Variants in OR2C3 observed in about 807,000 individuals in gnomAD.
OR2C3 encodes olfactory receptor family 2 subfamily C member 3.
For synonymous variants in OR2C3, 178 were observed against 163.4 expected, an observed-to-expected ratio of 1.09 and a Z score of -0.68; for missense variants, 425 against 401.5, an observed-to-expected ratio of 1.06 and a Z score of -0.50.
Position 247,531,835 on chromosome 1 carries a change from A to G in OR2C3, c.677T>C (p.Val226Ala), listed in dbSNP as rs1306073402. 1 of 1,614,128 alleles carries G rather than the reference A, an allele frequency of 6.2e-7. No individual in the cohort carries two copies. Among genetic ancestry groups the G allele is most frequent in the Non-Finnish European group, 8.5e-7 (1 of 1,180,010 alleles). ...CCCTTCTGCTGACCTGATCTTCAAC[A>G]CGGCCCGGGCAATGTGGCCGTAAGA... ...LVSYGHIARA[V>A]LKIRSAEGRR... The change falls in exon 3 of 3, where the codon GTG (valine) becomes GCG (alanine). Residue 226 changes from valine (V) to alanine (A), a missense_variant. Coordinates refer to ENST00000641802, the MANE Select transcript of OR2C3 (RefSeq NM_198074.6).
At position 247,531,917 on chromosome 1, in the gene OR2C3, C is replaced by T. The variant is rs750101190; in HGVS notation, c.595G>A (p.Glu199Lys). Residue 199 changes from glutamate to lysine, a missense_variant, in exon 3 of 3, where the codon GAG becomes AAG. Transcript: ENST00000641802. ...AAGACAAAGCTGGCCAGGTACATCT[C>T]CATCTCATTGAGGCTGGTATCCACA... ...ACVDTSLNEM[E>K]MYLASFVFVV... 1 of 1,614,220 alleles carries T rather than the reference C, an allele frequency of 6.2e-7. No homozygotes were observed. Among genetic ancestry groups the T allele is most frequent in the South Asian group, 1.1e-5 (1 of 91,086 alleles).
Position 247,532,435 on chromosome 1 carries a change from G to A in OR2C3, c.77C>T (p.Thr26Ile). The A allele has an allele frequency of 1.2e-6, 2 of 1,614,096 alleles. No individual in the cohort carries two copies. The highest frequency in any genetic ancestry group is 1.3e-5 in the African/African-American group (1 of 75,026). The change falls in exon 3 of 3, where the codon ACT becomes ATT. Residue 26 changes from threonine to isoleucine, a missense_variant. Transcript: ENST00000641802. ...LGFSTRPSLETVLFIVVLSFY... is the reference protein window; with the variant it reads ...LGFSTRPSLEIVLFIVVLSFY... The stretch of plus-strand genomic sequence containing the variant: ...ACTCAAGACAACTATGAAGAGGACA[G>A]TTTCTAGTGAGGGTCGTGTGGAGAA...
In OR2C3 at chr1:247,530,526, C is replaced by CA. The variant is rs1553302927; in HGVS notation, c.*1022dup. 25,528 of 149,510 alleles carry CA rather than the reference C, an allele frequency of 0.17. 2,740 individuals are homozygous for CA. The highest frequency in any genetic ancestry group is 0.31 in the South Asian group (1,441 of 4,590). The allele number at this position is 149,510 out of a possible 1,614,324, so 9.3% of individuals were successfully genotyped here. ...CACAAACACCATGCCATCCCCCCCC[C>CA]ACAAAATAACATTTCCTATGAATTT... On this transcript the variant is annotated 3_prime_UTR_variant, in exon 3 of 3. Coordinates refer to ENST00000641802, the MANE Select transcript of OR2C3 (RefSeq NM_198074.6).
rs1175656309 is a variant in OR2C3 at position 247,531,953 on chromosome 1, G to A, written c.559C>T (p.Gln187Ter). The change falls in exon 3 of 3, where the codon CAA becomes TAA. Residue 187 changes from glutamine (Q) to a stop codon, truncating the protein, a stop_gained. Transcript: ENST00000641802. LOFTEE classifies it low-confidence loss of function (END_TRUNC). Reference sequence around the variant, plus strand: ...AGGCTGGTATCCACACAAGCCAGTTGCATAATGAGGGGCATCTCGCAAAAG... The same window carrying A: ...AGGCTGGTATCCACACAAGCCAGTTACATAATGAGGGGCATCTCGCAAAAG... ...HFFCEMPLIM[Q>*]LACVDTSLNE... is the part of the protein sequence containing the mutation. 1.2e-6 allele frequency: 2 copies of A among 1,614,164 alleles called. No homozygotes were observed. The highest frequency in any genetic ancestry group is 1.7e-6 in the Non-Finnish European group (2 of 1,180,022).
At position 247,529,214 on chromosome 1, in the gene OR2C3, G is replaced by T. The variant is rs372467871; in HGVS notation, c.*2335C>A. 1 of 152,114 alleles carries T rather than the reference G, an allele frequency of 6.6e-6. No homozygotes were observed. Among genetic ancestry groups the T allele is most frequent in the South Asian group, 2.1e-4 (1 of 4,830 alleles). 9.4% of individuals were successfully genotyped at this position (152,114 alleles called of 1,614,324 possible). On this transcript the variant is annotated 3_prime_UTR_variant, in exon 3 of 3. Coordinates refer to ENST00000641802, the MANE Select transcript of OR2C3 (RefSeq NM_198074.6). ...GGGGACAGTTTTGTCTTCCATGCCC[G>T]AACCATTTACATAGTGAACAAAGCC...
chr1:247,532,267 AG>A lies in OR2C3; in HGVS notation c.244del (p.Leu82SerfsTer12), dbSNP rs747411778. The part of the protein sequence containing the change: ...MSFTTSIVPQ[L>X]LANLWGPQKT... ...CTGTGGTCCCCAGAGGTTAGCCAGGAGCTGTGGGACAATGCTCGTGGTGAAG... is the reference window on the plus strand; with the variant it reads ...CTGTGGTCCCCAGAGGTTAGCCAGGACTGTGGGACAATGCTCGTGGTGAAG... On this transcript the variant is annotated frameshift_variant, in exon 3 of 3. Coordinates refer to ENST00000641802, the MANE Select transcript of OR2C3 (RefSeq NM_198074.6). LOFTEE classifies it low-confidence loss of function (END_TRUNC). The A allele has an allele frequency of 1.9e-6, 3 of 1,614,158 alleles. No homozygotes were observed. The East Asian group carries it at 6.7e-5, about 36-fold the overall frequency.
At chr1:247,534,421 C>T (rs961807467) in intron 1 of OR2C3, among the ~76,000 whole-genome samples, 8 of 152,118 alleles carry the variant, frequency 5.3e-5, no homozygotes, top group Non-Finnish European at 8.8e-5. Context: ...CATAAACTTT[C>T]GGTAGTGTTG....
intron 2 of OR2C3, among the ~76,000 whole-genome samples, chr1:247,532,870 T>TGGG (rs759293458): frequency 3.1e-4 from 16 of 51,682 alleles, no homozygotes; most frequent in African/African-American, 1.1e-3. Context: ...AATAAAAGAC[T>TGGG]GGGTGGGGGG....
chr1:247,531,443 A>G lies in OR2C3; in HGVS notation c.*106T>C. 1.8e-6 allele frequency: 2 copies of G among 1,113,668 alleles called. No homozygotes were observed. Among genetic ancestry groups the G allele is most frequent in the Non-Finnish European group, 2.6e-6 (2 of 770,614 alleles). The allele number at this position is 1,113,668 out of a possible 1,614,324, so 69.0% of individuals were successfully genotyped here. A position where few individuals can be genotyped will look rare whatever the true frequency, so the allele number is the denominator to read the frequency against. ...TCCTTTCAGATTTCCATCTACCTTG[A>G]GCTCAAACAATATTAGAAGAAAAAC... On this transcript the variant is annotated 3_prime_UTR_variant, in exon 3 of 3. Transcript: ENST00000641802.
At position 247,531,488 on chromosome 1, in the gene OR2C3, C is replaced by T; in HGVS notation, c.*61G>A. ...AAAAACGACATCCCAAGTGCCCTGTCTTCCAAGGTCACTTTGCTCGATGTA... is the reference window on the plus strand; with the variant it reads ...AAAAACGACATCCCAAGTGCCCTGTTTTCCAAGGTCACTTTGCTCGATGTA... On this transcript the variant is annotated 3_prime_UTR_variant, in exon 3 of 3. Coordinates refer to ENST00000641802, the MANE Select transcript of OR2C3 (RefSeq NM_198074.6). 1 of 1,544,438 alleles carries T rather than the reference C, an allele frequency of 6.5e-7. No homozygotes were observed. The highest frequency in any genetic ancestry group is 1.2e-5 in the South Asian group (1 of 80,938).
In OR2C3 at chr1:247,526,999, C is replaced by T. The variant is rs1195095269; in HGVS notation, c.*4550G>A. The T allele has an allele frequency of 6.6e-6, 3 of 456,686 alleles. No homozygotes were observed. Among genetic ancestry groups the T allele is most frequent in the Non-Finnish European group, 8.8e-6 (2 of 226,974 alleles). The allele number at this position is 456,686 out of a possible 1,614,324, so 28.3% of individuals were successfully genotyped here. A position where few individuals can be genotyped will look rare whatever the true frequency, so the allele number is the denominator to read the frequency against. ...TCCAATAGTTCTACTGGATGTGGAG[C>T]CAGAAATTGTGTGGAATGCCTGGTG... On this transcript the variant is annotated 3_prime_UTR_variant, in exon 3 of 3. Coordinates refer to ENST00000641802, the MANE Select transcript of OR2C3 (RefSeq NM_198074.6). This position sits in a 1 kb window ranked among gnomAD's most constrained non-coding sequence, Gnocchi z 4.8.
rs12749335 is a variant in OR2C3, at chr1:247,532,876, G to T, written c.-29-336C>A. The stretch of plus-strand genomic sequence containing the variant: ...GGACTGTATAATAAAAGACTGGGTG[G>T]GGGGTGTTCACTGTCTGGGGAAAAT... On this transcript the variant is annotated intron_variant, in intron 2 of 2. Transcript: ENST00000641802. Among the ~76,000 whole-genome samples the T allele has an allele frequency of 7.1e-5, 4 of 56,608 alleles. No homozygotes were observed. The East Asian group carries it at 2.8e-3, about 39-fold the overall frequency. 37.1% of individuals were successfully genotyped at this position (56,608 alleles called of 152,430 possible).
In OR2C3 at chr1:247,527,561, T is replaced by C. The variant is rs1383513936; in HGVS notation, c.*3988A>G. 2.6e-5 allele frequency: 4 copies of C among 152,530 alleles called. No homozygotes were observed. The highest frequency in any genetic ancestry group is 2.0e-4 in the Admixed American group (3 of 15,336). The allele number at this position is 152,530 out of a possible 1,614,324, so 9.4% of individuals were successfully genotyped here. The stretch of plus-strand genomic sequence containing the variant: ...TTAGGGAAAGTTTTTAGTATTCAGA[T>C]TGAAGTTTTTCTTCAGATCTTGAAT... On this transcript the variant is annotated 3_prime_UTR_variant, in exon 3 of 3. Coordinates refer to ENST00000641802, the MANE Select transcript of OR2C3 (RefSeq NM_198074.6). The surrounding 1 kb of genome is among the most constrained non-coding windows in gnomAD (Gnocchi z 4.6).
chr1:247,532,662 G>A (rs140172211), intron 2 of OR2C3, 122 bp from the exon 3 acceptor site: 2 of 743,098 alleles, frequency 2.7e-6, no homozygotes, highest in African/African-American at 3.5e-5. Context: ...CAATTTCACT[G>A]TGTTGCCCGG....
In OR2C3 at chr1:247,528,413, A is replaced by G. The variant is rs1326589669; in HGVS notation, c.*3136T>C. 1.3e-5 allele frequency: 2 copies of G among 152,222 alleles called. No homozygotes were observed. The highest frequency in any genetic ancestry group is 2.9e-5 in the Non-Finnish European group (2 of 68,036). The allele number at this position is 152,222 out of a possible 1,614,324, so 9.4% of individuals were successfully genotyped here. ...GCGTTCAAAATCCTGTCTTCACAACATGCATGAACCTAGAAGACATTGTGT... is the reference window on the plus strand; with the variant it reads ...GCGTTCAAAATCCTGTCTTCACAACGTGCATGAACCTAGAAGACATTGTGT... On this transcript the variant is annotated 3_prime_UTR_variant, in exon 3 of 3. Coordinates refer to ENST00000641802, the MANE Select transcript of OR2C3 (RefSeq NM_198074.6).
chr1:247,534,629 A>G (rs1460766450), intron 1 of OR2C3, among the ~76,000 whole-genome samples: 1 of 152,202 alleles, frequency 6.6e-6, no homozygotes, highest in Non-Finnish European at 1.5e-5. Flanking sequence ...TCTAGCCTGT[A>G]TTTTAAAAAG....
chr1:247,534,867 A>G (rs1372431439), intron 1 of OR2C3, among the ~76,000 whole-genome samples: 1 of 152,200 alleles, frequency 6.6e-6, no homozygotes, highest in Non-Finnish European at 1.5e-5. Flanking sequence ...AACTCTAGGC[A>G]TTTGTTAAAA....
rs778407855 is a variant in OR2C3, at chr1:247,531,740, A to C, written c.772T>G (p.Phe258Val). ...CTCTTGGCTGGCTGGAGATACATGA[A>C]GATGATGCTCCCGTAAAACAGAGAC... ...VVSLFYGSII[F>V]MYLQPAKSTS... is the part of the protein sequence containing the mutation. Residue 258 changes from phenylalanine to valine, a missense_variant, in exon 3 of 3, where the codon TTC becomes GTC. Transcript: ENST00000641802. 6.2e-7 allele frequency: 1 copy of C among 1,614,170 alleles called. No homozygotes were observed. The highest frequency in any genetic ancestry group is 1.7e-5 in the Admixed American group (1 of 60,012).
At position 247,526,933 on chromosome 1, in the gene OR2C3, C is replaced by CT; in HGVS notation, c.*4615dup. ...ATTTAGAAAGGTCTTCTTTCACTTT[C>CT]TTTCAGGATTTACTGCCTCAAGATG... On this transcript the variant is annotated 3_prime_UTR_variant, in exon 3 of 3. Coordinates refer to ENST00000641802, the MANE Select transcript of OR2C3 (RefSeq NM_198074.6). The surrounding 1 kb of genome is among the most constrained non-coding windows in gnomAD (Gnocchi z 4.8). The CT allele has an allele frequency of 2.2e-6, 1 of 456,118 alleles. No individual in the cohort carries two copies. Among genetic ancestry groups the CT allele is most frequent in the Non-Finnish European group, 4.4e-6 (1 of 226,828 alleles). The allele number at this position is 456,118 out of a possible 1,614,324, so 28.3% of individuals were successfully genotyped here. A position where few individuals can be genotyped will look rare whatever the true frequency, so the allele number is the denominator to read the frequency against.
Sources: gnomAD v4.1 joint callset for allele counts (sites outside exome capture counted in the v4.1 genomes callset) on GRCh38, gnomAD v4.1.1 for gene constraint, Gnocchi (gnomAD v3.1) non-coding constraint, MANE v1.5 for transcripts, NCBI Gene and HGNC (gene_info 2026-07-23, HGNC 2026-07-21) for gene names.